FARP1: variants seen among roughly 807,000 people sequenced by gnomAD.
FARP1 encodes FERM, ARH/RhoGEF and pleckstrin domain protein 1.
A neutral mutation model predicts 128.8 loss-of-function variants in FARP1; 52 were observed. The observed-to-expected ratio is 0.40, with a 90% confidence interval of 0.32 to 0.51. The LOEUF is 0.51. Among genes scored for constraint, FARP1 ranks in the 20% least tolerant of loss-of-function variants. FARP1 has a pLI of 0.45. For missense variants in FARP1, 1,333 were observed against 1,367.9 expected (o/e 0.97, Z 0.40); for synonymous variants, 580 against 551.8 (o/e 1.05, Z -0.72).
At chr13:98,436,339 G>C (rs1892267286) in intron 19 of FARP1, among the ~76,000 whole-genome samples, 1 of 152,102 alleles carries the variant, frequency 6.6e-6, no homozygotes, top group Non-Finnish European at 1.5e-5. Flanking sequence ...CAGGAACAAA[G>C]CCTGCCTTCT....
intron 17 of FARP1, 55 bp downstream of exon 17, chr13:98,424,705 G>A: frequency 8.3e-7 from 1 of 1,209,922 alleles, no homozygotes; most frequent in Non-Finnish European, 1.2e-6. Flanking sequence ...ATCGAGCGGG[G>A]CTGCCATGGG....
intron 2 of FARP1, among the ~76,000 whole-genome samples, chr13:98,225,321 C>T (rs1473823535): frequency 2.0e-5 from 3 of 152,178 alleles, no homozygotes; most frequent in Non-Finnish European, 4.4e-5. Flanking sequence ...TAGATTTCTC[C>T]ACGATGATCA....
At chr13:98,394,862 C>T (rs935420647) in intron 12 of FARP1, among the ~76,000 whole-genome samples, 1 of 152,206 alleles carries the variant, frequency 6.6e-6, no homozygotes, top group African/African-American at 2.4e-5. Context: ...GAGGTCGAGG[C>T]CGCTGTGAGC....
At chr13:98,209,243 C>T (rs1444817575) in intron 1 of FARP1, among the ~76,000 whole-genome samples, 10 of 151,726 alleles carry the variant, frequency 6.6e-5, no homozygotes, top group African/African-American at 1.5e-4. Flanking sequence ...CTCCTGACCT[C>T]GTGATCCACC....
intron 24 of FARP1, among the ~76,000 whole-genome samples, chr13:98,443,951 C>T (rs1231744237): frequency 4.0e-4 from 5 of 12,562 alleles, no homozygotes; most frequent in Non-Finnish European, 1.0e-3. Flanking sequence ...TGGCGTCACT[C>T]GGCACCAACC....
chr13:98,384,739 G>A lies in FARP1; in HGVS notation c.506G>A (p.Gly169Glu), dbSNP rs766509126. Residue 169 changes from glycine (G) to glutamate (E), a missense_variant, in exon 7 of 27, where the codon GGG becomes GAG. Coordinates refer to ENST00000319562, the MANE Select transcript of FARP1 (RefSeq NM_005766.4). ...LISHIVQSEI[G>E]DFDEALDREH... The stretch of plus-strand genomic sequence containing the variant: ...TTCTGTTTCTTTTTAGCTGAGATTG[G>A]GGATTTTGATGAAGCCTTGGACAGA... 1 of 1,606,800 alleles carries A rather than the reference G, an allele frequency of 6.2e-7. No individual in the cohort carries two copies. Among genetic ancestry groups the A allele is most frequent in the South Asian group, 1.1e-5 (1 of 90,890 alleles).
chr13:98,390,052 A>G lies in FARP1; in HGVS notation c.951A>G (p.Arg317=), dbSNP rs777243102. 4 of 1,614,122 alleles carry G rather than the reference A, an allele frequency of 2.5e-6. No individual in the cohort carries two copies. In the South Asian group the frequency reaches 3.3e-5, roughly 13 times the overall value. The change falls in exon 10 of 27, where the codon AGA becomes AGG. Residue 317 remains arginine (R), a synonymous_variant. Coordinates refer to ENST00000319562, the MANE Select transcript of FARP1 (RefSeq NM_005766.4). The part of the protein sequence containing the change: ...KICVEHHAFF[R]LFEEPKPKPK... Reference sequence around the variant, plus strand: ...GTGTTGAACATCATGCCTTCTTTAGACTTTTTGAAGAGCCCAAACCAAAGC... The same window carrying G: ...GTGTTGAACATCATGCCTTCTTTAGGCTTTTTGAAGAGCCCAAACCAAAGC...
At position 98,292,962 on chromosome 13, in the gene FARP1, T is replaced by A. The variant is rs571216974; in HGVS notation, c.172-50800T>A. 6.6e-5 allele frequency among the ~76,000 whole-genome samples: 10 copies of A among 152,174 alleles called. 1 individual carries two copies. The highest frequency in any genetic ancestry group is 6.2e-4 in the South Asian group (3 of 4,808). ...CACTTACATAGAAAATATAACCTAT[T>A]TTAATAAGAAAATAATGGAGTCATT... On this transcript the variant is annotated intron_variant, in intron 2 of 26. Coordinates refer to ENST00000319562, the MANE Select transcript of FARP1 (RefSeq NM_005766.4).
chr13:98,166,295 G>A (rs970455811), intron 1 of FARP1, among the ~76,000 whole-genome samples: 1 of 152,142 alleles, frequency 6.6e-6, no homozygotes, highest in Non-Finnish European at 1.5e-5. Flanking sequence ...TAAAATCCTA[G>A]TAGGATCAGT....
chr13:98,357,214 T>G (rs898880253), intron 3 of FARP1, among the ~76,000 whole-genome samples: 3 of 152,324 alleles, frequency 2.0e-5, no homozygotes, highest in Non-Finnish European at 2.9e-5. Context: ...TTGATATAGT[T>G]TAAATTGAAC....
At chr13:98,356,539 T>C (rs1888649834) in intron 3 of FARP1, among the ~76,000 whole-genome samples, 1 of 152,110 alleles carries the variant, frequency 6.6e-6, no homozygotes, top group African/African-American at 2.4e-5. Context: ...TTAAAATTGT[T>C]ATTAAGTGTA....
chr13:98,152,268 G>A (rs560834465), intron 1 of FARP1, among the ~76,000 whole-genome samples: 12 of 152,284 alleles, frequency 7.9e-5, no homozygotes, highest in South Asian at 6.2e-4. Context: ...TATGCCTAAT[G>A]GCAGTTGCAG....
chr13:98,181,639 T>TGAGAG (rs1174717373), intron 1 of FARP1, among the ~76,000 whole-genome samples: 2,086 of 62,276 alleles, frequency 0.033, 51 homozygotes, highest in African/African-American at 0.084. Flanking sequence ...TTTATTTATT[T>TGAGAG]ATTTGAGAGA....
intron 1 of FARP1, among the ~76,000 whole-genome samples, chr13:98,201,811 C>T (rs76143609): frequency 0.033 from 5,084 of 152,200 alleles, 274 homozygotes; most frequent in African/African-American, 0.11. Flanking sequence ...AACAGTGAAG[C>T]GAGAATCTTG....
intron 1 of FARP1, among the ~76,000 whole-genome samples, chr13:98,162,564 C>T (rs1753684779): frequency 6.6e-6 from 1 of 152,132 alleles, no homozygotes; most frequent in Non-Finnish European, 1.5e-5. Context: ...AGCTGTTTGG[C>T]CCCCATGGTC....
intron 14 of FARP1, 82 bp from the exon 15 acceptor site, chr13:98,410,651 CA>C (rs1286264700): frequency 1.6e-5 from 10 of 642,472 alleles, no homozygotes; most frequent in Non-Finnish European, 2.9e-5. Flanking sequence ...AAGTTAGTAA[CA>C]TATCACTTTA....
intron 17 of FARP1, among the ~76,000 whole-genome samples, chr13:98,426,430 C>G (rs1891790984): frequency 6.6e-6 from 1 of 152,180 alleles, no homozygotes; most frequent in African/African-American, 2.4e-5. Context: ...GTTGATGCTG[C>G]AGTGAGCCAT....
chr13:98,169,422 T>A (rs536431467), intron 1 of FARP1, among the ~76,000 whole-genome samples: 2 of 152,362 alleles, frequency 1.3e-5, no homozygotes, highest in Admixed American at 1.3e-4. Flanking sequence ...CTTTTGAATC[T>A]TTAACATGTG....
chr13:98,388,022 A>G (rs374641826), intron 8 of FARP1, among the ~76,000 whole-genome samples: 11 of 152,238 alleles, frequency 7.2e-5, no homozygotes, highest in East Asian at 3.8e-4. Flanking sequence ...GTTAAGATAC[A>G]GTATATAAAG....
Sources: gnomAD v4.1 joint callset for allele counts (sites outside exome capture counted in the v4.1 genomes callset) on GRCh38, gnomAD v4.1.1 for gene constraint, MANE v1.5 for transcripts, NCBI Gene and HGNC (gene_info 2026-07-23, HGNC 2026-07-21) for gene names.